NTN1: variants seen among roughly 807,000 people sequenced by gnomAD.
NTN1 encodes netrin-1.
In NTN1, 11 loss-of-function variants were observed where a neutral mutation model predicts 54.2. The observed-to-expected ratio is 0.20, with a 90% CI of 0.13 to 0.34. The LOEUF (loss-of-function observed/expected upper bound fraction) is 0.34, where lower values mean the gene tolerates loss of function less well. Ranked by LOEUF, NTN1 falls within the 10% of genes least tolerant of loss-of-function variation. The pLI is 1.00. For synonymous variants in NTN1, 371 were observed against 382.0 expected (o/e 0.97, Z 0.33); for missense variants, 740 against 893.1 (o/e 0.83, Z 2.18).
intron 2 of NTN1, among the ~76,000 whole-genome samples, chr17:9,039,370 A>G (rs2091914092): frequency 6.6e-6 from 1 of 152,224 alleles, no homozygotes; most frequent in Admixed American, 6.5e-5. Flanking sequence ...TGTCTCTTGT[A>G]TGTAATGATT....
At chr17:9,220,997 C>T (rs946880486) in intron 5 of NTN1, among the ~76,000 whole-genome samples, 171 bp from the exon 6 acceptor site, 1 of 151,952 alleles carries the variant, frequency 6.6e-6, no homozygotes, top group African/African-American at 2.4e-5. Flanking sequence ...GTCCCTCAGG[C>T]CTCTTTAGAA....
intron 2 of NTN1, among the ~76,000 whole-genome samples, chr17:9,083,881 G>A (rs1303168125): frequency 6.6e-6 from 1 of 152,062 alleles, no homozygotes; most frequent in African/African-American, 2.4e-5. Context: ...TCGCTTCCTT[G>A]GGGAGAGACA....
rs1597461254 is a variant in NTN1 at position 9,023,755 on chromosome 17, T to A, written c.1018+364T>A. On this transcript the variant is annotated intron_variant, in intron 2 of 6. Coordinates refer to ENST00000173229, the MANE Select transcript of NTN1 (RefSeq NM_004822.3). ...TGGGATTCACCTGCACCCACCCCCC[T>A]TTCCCAAGGCTGCAGCTGGGCTCGC... Among the ~76,000 whole-genome samples, 4 of 152,314 alleles carry A rather than the reference T, an allele frequency of 2.6e-5. No homozygotes were observed. The East Asian group carries it at 7.7e-4, about 29-fold the overall frequency.
the NTN1 span, among the ~76,000 whole-genome samples, chr17:9,004,327 C>G: frequency 6.6e-6 from 1 of 152,254 alleles, no homozygotes; most frequent in East Asian, 1.9e-4. Context: ...CCTGCACAGA[C>G]TTTTTATTCC....
chr17:9,235,562 AAAC>A (rs1905957597), intron 6 of NTN1, among the ~76,000 whole-genome samples: 1 of 152,124 alleles, frequency 6.6e-6, no homozygotes, highest in Admixed American at 6.5e-5. Flanking sequence ...GGTGATTGAT[AAAC>A]AACAGAAACT....
chr17:9,065,634 G>A (rs139833322), intron 2 of NTN1, among the ~76,000 whole-genome samples: 10 of 152,282 alleles, frequency 6.6e-5, no homozygotes, highest in South Asian at 2.1e-4. Context: ...TTGCGATGCC[G>A]TGCCCCAGCC....
At position 9,243,293 on chromosome 17, in the gene NTN1, A is replaced by AGGGAGGCT. The variant is rs974749425; in HGVS notation, c.*3331_*3338dup. The AGGGAGGCT allele has an allele frequency of 6.6e-6, 1 of 152,198 alleles. No individual in the cohort carries two copies. Among genetic ancestry groups the AGGGAGGCT allele is most frequent in the African/African-American group, 2.4e-5 (1 of 41,452 alleles). The allele number at this position is 152,198 out of a possible 1,614,324, so 9.4% of individuals were successfully genotyped here. On this transcript the variant is annotated 3_prime_UTR_variant, in exon 7 of 7. Transcript: ENST00000173229. ...ACCCAGGGAGGGAGGGTCACAGCCC[A>AGGGAGGCT]GGGAGGCTGGGAGCTGCTCCAAGGC...
chr17:9,038,265 C>CT (rs55982115), intron 2 of NTN1, among the ~76,000 whole-genome samples: 3 of 144,174 alleles, frequency 2.1e-5, no homozygotes, highest in Non-Finnish European at 3.0e-5. Flanking sequence ...TTCTCTCTCT[C>CT]CACACACACA....
intron 2 of NTN1, among the ~76,000 whole-genome samples, chr17:9,122,739 T>A (rs146017414): frequency 1.5e-4 from 23 of 152,368 alleles, no homozygotes; most frequent in Middle Eastern, 6.8e-3. Context: ...AGTGACGATG[T>A]TAATACCCTG....
chr17:9,207,602 T>C (rs1413394967), intron 5 of NTN1, among the ~76,000 whole-genome samples: 2 of 152,232 alleles, frequency 1.3e-5, no homozygotes, highest in Admixed American at 6.5e-5. Flanking sequence ...TGGTCGCCTG[T>C]CTGCCACCCC....
At chr17:9,208,566 G>C (rs1905025873) in intron 5 of NTN1, among the ~76,000 whole-genome samples, 1 of 152,174 alleles carries the variant, frequency 6.6e-6, no homozygotes, top group Non-Finnish European at 1.5e-5. Flanking sequence ...CTTGTGCCTG[G>C]GGCTGAGAGG....
intron 2 of NTN1, among the ~76,000 whole-genome samples, chr17:9,118,043 C>T (rs2092220108): frequency 6.6e-6 from 1 of 152,200 alleles, no homozygotes; most frequent in Admixed American, 6.5e-5. Context: ...TCCAGGCTCT[C>T]CCATTTTCCA....
intron 5 of NTN1, among the ~76,000 whole-genome samples, chr17:9,204,290 T>TCTCTCTC (rs1555576159): frequency 3.5e-5 from 5 of 143,454 alleles, no homozygotes; most frequent in Non-Finnish European, 7.6e-5. Context: ...CTCTATCTCT[T>TCTCTCTC]TCTCTCTCTC....
intron 2 of NTN1, among the ~76,000 whole-genome samples, chr17:9,133,754 A>ATTTTTTTTTTTT (rs57053201): frequency 9.6e-6 from 1 of 104,556 alleles, no homozygotes; most frequent in Non-Finnish European, 1.8e-5. Context: ...TGCCCAGCTA[A>ATTTTTTTTTTTT]TTTTTTTTTT....
chr17:9,012,745 C>A, the NTN1 span, among the ~76,000 whole-genome samples: 1 of 152,062 alleles, frequency 6.6e-6, no homozygotes, highest in Non-Finnish European at 1.5e-5. Context: ...CCCTCCCCTG[C>A]TTTGTTTGTG....
chr17:9,120,140 C>T (rs1461833847), intron 2 of NTN1, among the ~76,000 whole-genome samples: 2 of 151,984 alleles, frequency 1.3e-5, no homozygotes, highest in African/African-American at 4.8e-5. Context: ...AAAAAATTAG[C>T]TGGGCATGGT....
At chr17:9,089,211 G>A (rs566995938) in intron 2 of NTN1, among the ~76,000 whole-genome samples, 95 of 152,228 alleles carry the variant, frequency 6.2e-4, no homozygotes, top group Non-Finnish European at 1.2e-3. Context: ...TCAGGAGTTC[G>A]AGACCAGACT....
chr17:9,221,153 C>CA lies in NTN1; in HGVS notation c.1412-15_1412-14insA, dbSNP rs757559793. 2.6e-6 allele frequency: 4 copies of CA among 1,553,712 alleles called. No individual in the cohort carries two copies. Among genetic ancestry groups the CA allele is most frequent in the African/African-American group, 1.4e-5 (1 of 69,440 alleles). ...AATTAGTTTTTGTCTGTGCTCCCCC[C>CA]CCACCCCCCTGCAGACTGCGATTCC... On this transcript the variant is annotated splice_polypyrimidine_tract_variant and intron_variant, in intron 5 of 6. Transcript: ENST00000173229. This position sits in a 1 kb window ranked among gnomAD's most constrained non-coding sequence, Gnocchi z 4.5.
intron 2 of NTN1, among the ~76,000 whole-genome samples, chr17:9,088,154 G>T (rs1045991218): frequency 4.6e-5 from 7 of 152,230 alleles, no homozygotes; most frequent in Non-Finnish European, 7.3e-5. Flanking sequence ...GTGGGGACAG[G>T]CAGGGGGCAG....
Sources: allele counts gnomAD v4.1 joint callset (sites outside exome capture counted in the v4.1 genomes callset), GRCh38; gene constraint gnomAD v4.1.1; non-coding constraint Gnocchi (gnomAD v3.1); transcripts MANE v1.5; gene names NCBI Gene and HGNC (gene_info 2026-07-23, HGNC 2026-07-21).